PICALM: variants seen among roughly 807,000 people sequenced by gnomAD.
The protein encoded by PICALM is phosphatidylinositol-binding clathrin assembly protein.
A neutral mutation model predicts 80.5 loss-of-function variants in PICALM; 40 were observed. That is an observed-to-expected ratio of 0.50 (90% CI 0.39 to 0.65). PICALM has a LOEUF of 0.65. Ranked by LOEUF, PICALM falls within the 30% of genes least tolerant of loss-of-function variation. PICALM has a pLI of 0.00. For synonymous variants in PICALM, 288 were observed against 260.3 expected (o/e 1.11, Z -1.02); for missense variants, 676 against 778.9 (o/e 0.87, Z 1.57).
At chr11:86,038,165 CA>C (rs1252679186) in intron 1 of PICALM, among the ~76,000 whole-genome samples, 1 of 151,846 alleles carries the variant, frequency 6.6e-6, no homozygotes, top group Non-Finnish European at 1.5e-5. Flanking sequence ...ACTAAAAACA[CA>C]AAAATTAGCC....
At chr11:85,983,807 C>G (rs2094507420) in intron 14 of PICALM, 59 bp downstream of exon 14, 1 of 714,800 alleles carries the variant, frequency 1.4e-6, no homozygotes, top group Non-Finnish European at 2.3e-6. Flanking sequence ...ATTATTTTTC[C>G]TTACACAGAA....
chr11:85,975,271 G>A (rs545627153), intron 18 of PICALM, among the ~76,000 whole-genome samples: 1 of 150,218 alleles, frequency 6.7e-6, no homozygotes, highest in South Asian at 2.1e-4. Flanking sequence ...GAATAAGCCT[G>A]CTCTAGTTCT....
At chr11:86,025,954 T>C (rs1169736157) in intron 3 of PICALM, among the ~76,000 whole-genome samples, 2 of 152,154 alleles carry the variant, frequency 1.3e-5, no homozygotes, top group Non-Finnish European at 2.9e-5. Context: ...GTAGGTACTA[T>C]CACTATTACT....
intron 1 of PICALM, among the ~76,000 whole-genome samples, chr11:86,041,539 T>C (rs971507405): frequency 1.2e-4 from 17 of 146,464 alleles, no homozygotes; most frequent in African/African-American, 3.9e-4. Flanking sequence ...AGGGAATATG[T>C]AGAGAAGAAA....
Position 86,014,334 on chromosome 11 carries a change from G to T in PICALM, c.546+536C>A, listed in dbSNP as rs1052312699. ...GATGACAAAAAAACAGAACAGAGTT[G>T]AAAACGTTAACTTCTAACACATTAT... On this transcript the variant is annotated intron_variant, in intron 5 of 19. Transcript: ENST00000393346. Among the ~76,000 whole-genome samples the T allele has an allele frequency of 3.9e-5, 6 of 152,304 alleles. No individual in the cohort carries two copies. In the East Asian group the frequency reaches 1.2e-3, roughly 29 times the overall value.
At chr11:85,981,520 C>T (rs909381209) in intron 16 of PICALM, among the ~76,000 whole-genome samples, 10 of 151,546 alleles carry the variant, frequency 6.6e-5, no homozygotes, top group African/African-American at 1.2e-4. Flanking sequence ...GGCAGAAGAA[C>T]GGCGTGAATC....
chr11:85,970,957 G>A (rs2094090983), intron 19 of PICALM, among the ~76,000 whole-genome samples: 1 of 152,212 alleles, frequency 6.6e-6, no homozygotes, highest in African/African-American at 2.4e-5. Context: ...TGTGAATAAA[G>A]AGGTTCCAAG....
chr11:86,059,533 G>C (rs1284867001), intron 1 of PICALM, among the ~76,000 whole-genome samples: 1 of 152,182 alleles, frequency 6.6e-6, no homozygotes, highest in Non-Finnish European at 1.5e-5. Context: ...GAGCATGGTG[G>C]CTCACACTTA....
chr11:86,003,654 A>C (rs933846626), intron 8 of PICALM: 1 of 380,862 alleles, frequency 2.6e-6, no homozygotes, highest in African/African-American at 2.1e-5. Context: ...ATTAAGAAAC[A>C]TTATCAAAAA....
intron 1 of PICALM, among the ~76,000 whole-genome samples, chr11:86,050,144 G>A (rs927101904): frequency 4.1e-5 from 6 of 147,528 alleles, no homozygotes; most frequent in Admixed American, 1.4e-4. Context: ...GGCGGAGGTT[G>A]CAGTGAGCAG....
chr11:86,065,828 A>C (rs2096440233), intron 1 of PICALM, among the ~76,000 whole-genome samples: 1 of 152,248 alleles, frequency 6.6e-6, no homozygotes, highest in African/African-American at 2.4e-5. Context: ...GTATGAATTA[A>C]GCCATAATTC....
At chr11:86,027,902 A>G (rs1408247697) in intron 2 of PICALM, among the ~76,000 whole-genome samples, 1 of 152,208 alleles carries the variant, frequency 6.6e-6, no homozygotes, top group African/African-American at 2.4e-5. Flanking sequence ...CTGAAGACTC[A>G]TATTTCACAA....
chr11:85,976,029 G>A (rs528315798), intron 18 of PICALM, among the ~76,000 whole-genome samples: 1 of 152,152 alleles, frequency 6.6e-6, no homozygotes, highest in Non-Finnish European at 1.5e-5. Flanking sequence ...CAAGGGACAC[G>A]GTACTGCCTT....
At chr11:86,033,888 A>C (rs1028383974) in intron 1 of PICALM, among the ~76,000 whole-genome samples, 1 of 152,224 alleles carries the variant, frequency 6.6e-6, no homozygotes, top group Non-Finnish European at 1.5e-5. Flanking sequence ...CCTTACATTA[A>C]GTTAAATCAA....
chr11:85,967,004 G>A (rs1010247475), intron 19 of PICALM, among the ~76,000 whole-genome samples: 5 of 152,130 alleles, frequency 3.3e-5, no homozygotes, highest in Non-Finnish European at 7.4e-5. Context: ...CTTTTAACAT[G>A]CTTAATCAAG....
chr11:85,997,815 C>T (rs2099692529), intron 11 of PICALM, among the ~76,000 whole-genome samples: 1 of 151,942 alleles, frequency 6.6e-6, no homozygotes, highest in Admixed American at 6.6e-5. Context: ...AAGAGTCTCA[C>T]TCTGTTGTCC....
At chr11:86,068,578 A>AAG (rs1185867105) in intron 1 of PICALM, 73 bp downstream of exon 1, 43 of 1,428,558 alleles carry the variant, frequency 3.0e-5, no homozygotes, top group Admixed American at 2.1e-4. Flanking sequence ...GGTGAAAGAC[A>AAG]AGAGAGAGAG....
chr11:86,050,778 A>G (rs2096173199), intron 1 of PICALM, among the ~76,000 whole-genome samples: 1 of 152,158 alleles, frequency 6.6e-6, no homozygotes, highest in Admixed American at 6.6e-5. Flanking sequence ...CAACACATAT[A>G]AGACAATTTT....
chr11:85,999,304 A>G (rs2095073119), intron 11 of PICALM, among the ~76,000 whole-genome samples: 1 of 152,246 alleles, frequency 6.6e-6, no homozygotes, highest in Non-Finnish European at 1.5e-5. Context: ...ATATACAATA[A>G]TAATTCTGTA....
Sources: allele counts gnomAD v4.1 joint callset (sites outside exome capture counted in the v4.1 genomes callset), GRCh38; gene constraint gnomAD v4.1.1; transcripts MANE v1.5; gene names NCBI Gene and HGNC (gene_info 2026-07-23, HGNC 2026-07-21).